DNAH14: variants seen among roughly 807,000 people sequenced by gnomAD.
DNAH14 encodes axonemal beta dynein heavy chain 14.
In DNAH14, 478 loss-of-function variants were observed where a neutral mutation model predicts 520.9. The ratio of observed to expected loss-of-function variants is 0.92; its 90% CI spans 0.85 to 0.99. The LOEUF is 0.99. Among genes scored for constraint, DNAH14 ranks in the 50% least tolerant of loss-of-function variants. The pLI is 0.00. For synonymous variants in DNAH14, 1,581 were observed against 1,757.2 expected (o/e 0.90, Z 2.51); for missense variants, 4,831 against 5,234.5 (o/e 0.92, Z 2.38).
chr1:225,264,161 A>ATATTCAAAATT, intron 46 of DNAH14, 36 bp from the exon 47 acceptor site: 1 of 1,513,000 alleles, frequency 6.6e-7, no homozygotes, highest in East Asian at 2.5e-5. Flanking sequence ...TATGGTAAAC[A>ATATTCAAAATT]AACTAATTTT....
At chr1:225,293,712 T>C (rs1341205402) in intron 55 of DNAH14, among the ~76,000 whole-genome samples, 1 of 151,936 alleles carries the variant, frequency 6.6e-6, no homozygotes, top group Non-Finnish European at 1.5e-5. Flanking sequence ...AACTAATGAG[T>C]ACTAGGCTTT....
intron 26 of DNAH14, among the ~76,000 whole-genome samples, chr1:225,121,065 C>G (rs79298703): frequency 0.053 from 8,020 of 152,164 alleles, 323 homozygotes; most frequent in Non-Finnish European, 0.078. Flanking sequence ...CCTTATCCAA[C>G]TAAAGATATT....
intron 57 of DNAH14, among the ~76,000 whole-genome samples, chr1:225,303,574 G>T (rs1484742106): frequency 1.3e-5 from 2 of 152,146 alleles, no homozygotes; most frequent in Non-Finnish European, 2.9e-5. Context: ...CAATGCCTGT[G>T]TCTCTTCACT....
intron 1 of DNAH14, among the ~76,000 whole-genome samples, chr1:224,930,450 G>A (rs539818153): frequency 2.6e-5 from 4 of 152,252 alleles, no homozygotes; most frequent in South Asian, 4.2e-4. Flanking sequence ...CTGTCGCCTA[G>A]TGATGTCATA....
intron 8 of DNAH14, among the ~76,000 whole-genome samples, chr1:224,991,085 T>C (rs9426165): frequency 0.012 from 856 of 73,904 alleles, 11 homozygotes; most frequent in Non-Finnish European, 0.015. Context: ...GATGTTGAGC[T>C]TTTTTTTTTT....
At chr1:225,382,986 A>G (rs2095799575) in intron 81 of DNAH14, among the ~76,000 whole-genome samples, 1 of 152,246 alleles carries the variant, frequency 6.6e-6, no homozygotes. Context: ...TTCCATTTAC[A>G]AGAAATGTCC....
Position 224,954,987 on chromosome 1 carries a change from G to GAAGATGTGA in DNAH14, c.109_117dup (p.Asp37_Lys39dup). 10 of 1,599,746 alleles carry GAAGATGTGA rather than the reference G, an allele frequency of 6.3e-6. No individual in the cohort carries two copies. The highest frequency in any genetic ancestry group is 8.5e-6 in the Non-Finnish European group (10 of 1,171,726). ...TTTAAGATATGAAGAGAAAAAATAT[G>GAAGATGTGA]AAGATGTGAAACCATTAGAGACTCA... On this transcript the variant is annotated inframe_insertion, in exon 3 of 86. Transcript: ENST00000682510.
chr1:224,967,738 T>C, intron 6 of DNAH14, 155 bp downstream of exon 6: 1 of 1,539,414 alleles, frequency 6.5e-7, no homozygotes. Context: ...GAGCATGTTA[T>C]TTAATAGTGA....
chr1:225,256,287 CA>C (rs2092729609), intron 44 of DNAH14, among the ~76,000 whole-genome samples: 1 of 152,096 alleles, frequency 6.6e-6, no homozygotes, highest in South Asian at 2.1e-4. Flanking sequence ...GTGGCAAAAA[CA>C]GAGAGAATTA....
intron 42 of DNAH14, among the ~76,000 whole-genome samples, chr1:225,237,296 T>C (rs890125670): frequency 2.0e-5 from 3 of 152,202 alleles, no homozygotes; most frequent in Non-Finnish European, 4.4e-5. Flanking sequence ...CAGGAGTTCT[T>C]GCAAGGCAGG....
chr1:224,968,713 T>C, intron 6 of DNAH14, 46 bp from the exon 7 acceptor site: 3 of 1,160,248 alleles, frequency 2.6e-6, no homozygotes, highest in Non-Finnish European at 3.5e-6. Flanking sequence ...AAATGGTACA[T>C]ATTTTTTAAA....
chr1:225,268,375 C>A (rs2093196468), intron 49 of DNAH14, among the ~76,000 whole-genome samples: 1 of 152,172 alleles, frequency 6.6e-6, no homozygotes, highest in Non-Finnish European at 1.5e-5. Flanking sequence ...CAATATCATA[C>A]TGAATGGGCA....
Position 225,399,035 on chromosome 1 carries a change from A to ATT in DNAH14, c.13639-6_13639-5dup, listed in dbSNP as rs77118391. On this transcript the variant is annotated intron_variant, in intron 85 of 85. Coordinates refer to ENST00000682510, the MANE Select transcript of DNAH14 (RefSeq NM_001367479.1). Reference sequence around the variant, plus strand: ...TTGAACTATGCAATTTGACTACTGGATTTTTTTTTTTTTTAAAGATTTCTA... The same window carrying ATT: ...TTGAACTATGCAATTTGACTACTGGATTTTTTTTTTTTTTTTAAAGATTTCTA... 2.2e-4 allele frequency: 255 copies of ATT among 1,148,072 alleles called. No homozygotes were observed. Among genetic ancestry groups the ATT allele is most frequent in the Non-Finnish European group, 2.8e-4 (227 of 822,976 alleles). 71.1% of individuals were successfully genotyped at this position (1,148,072 alleles called of 1,614,324 possible). A position where few individuals can be genotyped will look rare whatever the true frequency, so the allele number is the denominator to read the frequency against.
At chr1:225,023,563 A>G (rs908857979) in intron 10 of DNAH14, 52 bp from the exon 11 acceptor site, 19 of 1,408,896 alleles carry the variant, frequency 1.3e-5, no homozygotes, top group East Asian at 2.5e-5. Flanking sequence ...AAATCATGCT[A>G]TATTAACAAA....
At chr1:224,934,020 A>G (rs1378515722) in intron 1 of DNAH14, among the ~76,000 whole-genome samples, 1 of 151,986 alleles carries the variant, frequency 6.6e-6, no homozygotes, top group Non-Finnish European at 1.5e-5. Context: ...TACCATAGAT[A>G]TATCTTCAGG....
intron 81 of DNAH14, among the ~76,000 whole-genome samples, chr1:225,381,894 A>G (rs996603153): frequency 6.6e-6 from 1 of 152,246 alleles, no homozygotes; most frequent in African/African-American, 2.4e-5. Flanking sequence ...AATAAAAACA[A>G]AGCTAAACAA....
At chr1:225,137,967 T>G (rs901630590) in intron 27 of DNAH14, among the ~76,000 whole-genome samples, 37 of 152,164 alleles carry the variant, frequency 2.4e-4, no homozygotes, top group African/African-American at 8.7e-4. Context: ...ACCCCCCTAG[T>G]GAGGAGGAGT....
intron 81 of DNAH14, among the ~76,000 whole-genome samples, chr1:225,384,001 T>C (rs1175122397): frequency 2.0e-5 from 3 of 152,204 alleles, no homozygotes; most frequent in East Asian, 1.9e-4. Flanking sequence ...ATGTACCCAG[T>C]AGTCATTCAG....
intron 62 of DNAH14, among the ~76,000 whole-genome samples, chr1:225,323,727 C>G (rs1405644927): frequency 3.9e-5 from 6 of 152,126 alleles, no homozygotes; most frequent in African/African-American, 1.4e-4. Context: ...TCCCAAAGTG[C>G]TGGGATTACA....
Sources: allele counts gnomAD v4.1 joint callset (sites outside exome capture counted in the v4.1 genomes callset), GRCh38; gene constraint gnomAD v4.1.1; transcripts MANE v1.5; gene names NCBI Gene and HGNC (gene_info 2026-07-23, HGNC 2026-07-21).